Variants in NEGR1 observed in about 807,000 individuals in gnomAD.
The protein encoded by NEGR1 is neuronal growth regulator 1.
NEGR1 carries 10 observed loss-of-function variants against 40.9 expected under a neutral mutation model. That is an observed-to-expected ratio of 0.24 (90% CI 0.15 to 0.42). NEGR1 has a LOEUF of 0.42. Ranked by LOEUF, NEGR1 falls within the 10% of genes least tolerant of loss-of-function variation. The pLI is 1.00. For synonymous variants in NEGR1, 185 were observed against 166.8 expected (o/e 1.11, Z -0.84); for missense variants, 352 against 438.9 (o/e 0.80, Z 1.77).
chr1:71,412,741 A>C (rs1334430348), intron 6 of NEGR1, among the ~76,000 whole-genome samples: 2 of 152,212 alleles, frequency 1.3e-5, no homozygotes, highest in African/African-American at 4.8e-5. Flanking sequence ...AGAAAAGAGA[A>C]GAAAAGTTTA....
chr1:72,243,642 G>T (rs1422093307), intron 1 of NEGR1, among the ~76,000 whole-genome samples: 1 of 151,538 alleles, frequency 6.6e-6, no homozygotes, highest in African/African-American at 2.4e-5. Flanking sequence ...TCCCTATAAT[G>T]AGTGAAAAAA....
chr1:72,131,615 T>G (rs754553198), intron 1 of NEGR1, among the ~76,000 whole-genome samples: 9 of 152,218 alleles, frequency 5.9e-5, no homozygotes, highest in Non-Finnish European at 8.8e-5. Context: ...AGTAGTCTGT[T>G]ATTCTCAGAG....
Position 72,114,907 on chromosome 1 carries a change from C to T in NEGR1, c.176+167412G>A, listed in dbSNP as rs188657319. Among the ~76,000 whole-genome samples, 229 of 151,860 alleles carry T rather than the reference C, an allele frequency of 1.5e-3. 3 individuals carry two copies. Among genetic ancestry groups the T allele is most frequent in the Non-Finnish European group, 8.4e-4 (57 of 67,812 alleles). On this transcript the variant is annotated intron_variant, in intron 1 of 6. Coordinates refer to ENST00000357731, the MANE Select transcript of NEGR1 (RefSeq NM_173808.3). ...GAAAGTAAAAAGAAGTTAGTGTACT[C>T]ATAAAAAGTTTGTCTTTTTGAACAA...
At chr1:71,697,952 T>C in intron 4 of NEGR1, 56 bp downstream of exon 4, 1 of 1,535,358 alleles carries the variant, frequency 6.5e-7, no homozygotes, top group Non-Finnish European at 8.8e-7. Flanking sequence ...TCAGAATTTT[T>C]CAAGGTGTTT....
intron 1 of NEGR1, among the ~76,000 whole-genome samples, chr1:72,217,137 T>C (rs183916285): frequency 9.0e-4 from 137 of 151,912 alleles, no homozygotes; most frequent in African/African-American, 3.2e-3. Context: ...CTGAAAGCCA[T>C]TGTTGAGAAC....
chr1:72,152,424 G>T (rs1651159380), intron 1 of NEGR1, among the ~76,000 whole-genome samples: 1 of 151,902 alleles, frequency 6.6e-6, no homozygotes, highest in Non-Finnish European at 1.5e-5. Flanking sequence ...ACCACAGTGA[G>T]ATATCTTCTC....
chr1:71,792,580 AT>A lies in NEGR1; in HGVS notation c.410-16284del, dbSNP rs772391161. 1.8e-4 allele frequency among the ~76,000 whole-genome samples: 28 copies of A among 152,134 alleles called. No individual in the cohort carries two copies. In the South Asian group the frequency reaches 4.4e-3, roughly 24 times the overall value. On this transcript the variant is annotated intron_variant, in intron 2 of 6. Coordinates refer to ENST00000357731, the MANE Select transcript of NEGR1 (RefSeq NM_173808.3). The stretch of plus-strand genomic sequence containing the variant: ...GCAAAAACAACAGTGACTATGGTTG[AT>A]TTTTTCTAGTCAGTTATTTTATTGA...
intron 1 of NEGR1, among the ~76,000 whole-genome samples, chr1:72,140,236 G>GTTA (rs1297922899): frequency 6.6e-6 from 1 of 151,712 alleles, no homozygotes; most frequent in Non-Finnish European, 1.5e-5. Context: ...TGTTGTTGTT[G>GTTA]TTGTTGTTGT....
intron 3 of NEGR1, among the ~76,000 whole-genome samples, chr1:71,767,598 A>C (rs1656175936): frequency 2.0e-5 from 3 of 152,210 alleles, no homozygotes; most frequent in Non-Finnish European, 4.4e-5. Flanking sequence ...CAGCCTTGCT[A>C]TGTGGTAGGT....
intron 6 of NEGR1, among the ~76,000 whole-genome samples, chr1:71,581,698 A>ATTTT (rs34224525): frequency 7.0e-6 from 1 of 143,230 alleles, no homozygotes; most frequent in Non-Finnish European, 1.5e-5. Context: ...ATTATACACA[A>ATTTT]TTTTTTTTTT....
intron 6 of NEGR1, among the ~76,000 whole-genome samples, chr1:71,536,052 A>G (rs1647499306): frequency 6.6e-6 from 1 of 151,714 alleles, no homozygotes; most frequent in Admixed American, 6.6e-5. Context: ...GAAACAATGA[A>G]GAAGAAATTA....
At chr1:72,000,762 T>A (rs1302670801) in intron 1 of NEGR1, among the ~76,000 whole-genome samples, 1 of 152,178 alleles carries the variant, frequency 6.6e-6, no homozygotes, top group African/African-American at 2.4e-5. Flanking sequence ...TTGCAGCATC[T>A]ATTGTTTATT....
chr1:71,952,641 T>C (rs1646081471), intron 1 of NEGR1, among the ~76,000 whole-genome samples: 1 of 152,002 alleles, frequency 6.6e-6, no homozygotes, highest in Non-Finnish European at 1.5e-5. Context: ...CATCAGATTT[T>C]CAGTGCAGAT....
At chr1:71,455,325 G>C (rs1646664593) in intron 6 of NEGR1, among the ~76,000 whole-genome samples, 1 of 152,164 alleles carries the variant, frequency 6.6e-6, no homozygotes, top group African/African-American at 2.4e-5. Context: ...TTGAATGACT[G>C]AATGACTGAA....
At position 71,935,240 on chromosome 1, in the gene NEGR1, T is replaced by G. The variant is rs761710178; in HGVS notation, c.248A>C (p.Asp83Ala). The G allele has an allele frequency of 1.2e-6, 2 of 1,613,926 alleles. No homozygotes were observed. The highest frequency in any genetic ancestry group is 2.7e-5 in the African/African-American group (2 of 74,902). The stretch of plus-strand genomic sequence containing the variant: ...AACTCGAGGATCCACTGACCACTTA[T>G]CACCTCCCGCAAAAATAATACTTGA... ...NRSSIIFAGGDKWSVDPRVSI... is the reference protein window; with the variant it reads ...NRSSIIFAGGAKWSVDPRVSI... The change falls in exon 2 of 7, where the codon GAT (aspartate) becomes GCT (alanine). Residue 83 changes from aspartate (D) to alanine (A), a missense_variant. Coordinates refer to ENST00000357731, the MANE Select transcript of NEGR1 (RefSeq NM_173808.3).
rs1646237083 is a variant in NEGR1, at chr1:71,400,064, CT to C, written c.*7381del. The C allele has an allele frequency of 6.6e-6, 1 of 152,144 alleles. No homozygotes were observed. Among genetic ancestry groups the C allele is most frequent in the African/African-American group, 2.4e-5 (1 of 41,420 alleles). 9.4% of individuals were successfully genotyped at this position (152,144 alleles called of 1,614,324 possible). ...CTGTGACTTAGTGTAAAGTTAACTC[CT>C]TTTTGAATGTAAAAAGTCAAAATTG... On this transcript the variant is annotated 3_prime_UTR_variant, in exon 7 of 7. Coordinates refer to ENST00000357731, the MANE Select transcript of NEGR1 (RefSeq NM_173808.3).
intron 6 of NEGR1, among the ~76,000 whole-genome samples, chr1:71,556,809 A>C (rs1400519408): frequency 6.6e-6 from 1 of 151,522 alleles, no homozygotes; most frequent in Non-Finnish European, 1.5e-5. Flanking sequence ...GCAGCTATAA[A>C]TGTTCAATTA....
intron 6 of NEGR1, among the ~76,000 whole-genome samples, chr1:71,496,578 T>C (rs1646965021): frequency 8.4e-6 from 1 of 119,096 alleles, no homozygotes; most frequent in African/African-American, 3.1e-5. Flanking sequence ...GCTAGGATTA[T>C]GACAGATTAC....
chr1:71,676,167 G>A (rs1194937089), intron 4 of NEGR1, among the ~76,000 whole-genome samples: 1 of 152,016 alleles, frequency 6.6e-6, no homozygotes, highest in East Asian at 1.9e-4. Flanking sequence ...TTGGGAAGAG[G>A]GTTCCAAGCC....
Sources: gnomAD v4.1 joint callset for allele counts (sites outside exome capture counted in the v4.1 genomes callset) on GRCh38, gnomAD v4.1.1 for gene constraint, MANE v1.5 for transcripts, NCBI Gene and HGNC (gene_info 2026-07-23, HGNC 2026-07-21) for gene names.